Variants in CPNE8 observed in about 807,000 individuals in gnomAD.
CPNE8 encodes copine 8, also known as copine-8.
Under a neutral mutation model 81.5 loss-of-function variants are expected in CPNE8, and 45 were observed. That is an observed-to-expected ratio of 0.55 (90% CI 0.44 to 0.71). The LOEUF (loss-of-function observed/expected upper bound fraction) is 0.71, where lower values mean the gene tolerates loss of function less well. CPNE8 is among the 30% of genes least tolerant of loss of function. CPNE8 has a pLI of 0.00. For missense variants in CPNE8, 594 were observed against 672.1 expected, an observed-to-expected ratio of 0.88 and a Z score of 1.28; for synonymous variants, 252 against 226.3, an observed-to-expected ratio of 1.11 and a Z score of -1.02.
intron 19 of CPNE8, among the ~76,000 whole-genome samples, chr12:38,659,584 C>T (rs186649093): frequency 6.6e-6 from 1 of 152,302 alleles, no homozygotes; most frequent in Admixed American, 6.5e-5. Context: ...TCTAAATCAA[C>T]AGAATACACA....
upstream of CPNE8, chr12:38,905,623 G>A (rs1365256219): frequency 1.3e-6 from 2 of 1,518,870 alleles, no homozygotes; most frequent in Non-Finnish European, 1.8e-6. Context: ...GGGGATGGGG[G>A]TTGAGGGTGG....
intron 6 of CPNE8, among the ~76,000 whole-genome samples, chr12:38,822,732 A>G (rs1943126348): frequency 6.6e-6 from 1 of 152,110 alleles, no homozygotes; most frequent in Admixed American, 6.5e-5. Flanking sequence ...TTAGCTCTAC[A>G]GCAAATTCTT....
At chr12:38,782,981 A>C (rs1206873808) in intron 6 of CPNE8, among the ~76,000 whole-genome samples, 1 of 151,972 alleles carries the variant, frequency 6.6e-6, no homozygotes, top group Non-Finnish European at 1.5e-5. Flanking sequence ...CACCTTGACT[A>C]CTCTCGCAAC....
At chr12:38,711,127 T>C (rs1210071368) in intron 13 of CPNE8, among the ~76,000 whole-genome samples, 1 of 152,210 alleles carries the variant, frequency 6.6e-6, no homozygotes, top group Non-Finnish European at 1.5e-5. Context: ...TACTAGTACA[T>C]CATCAGGAGG....
intron 16 of CPNE8, among the ~76,000 whole-genome samples, chr12:38,682,345 G>A (rs1028231999): frequency 3.9e-4 from 60 of 152,238 alleles, no homozygotes; most frequent in African/African-American, 1.3e-3. Flanking sequence ...ATCGCCTGAG[G>A]TCAAGAGTTT....
chr12:38,852,507 C>T (rs2137064593), intron 3 of CPNE8, among the ~76,000 whole-genome samples: 1 of 151,352 alleles, frequency 6.6e-6, no homozygotes, highest in South Asian at 2.1e-4. Context: ...GAGGCTGAGG[C>T]AGGAGAATCA....
intron 8 of CPNE8, among the ~76,000 whole-genome samples, chr12:38,764,184 G>C (rs188778963): frequency 6.6e-6 from 1 of 152,062 alleles, no homozygotes; most frequent in African/African-American, 2.4e-5. Flanking sequence ...TAAGACAGAG[G>C]GGCAGACAGA....
intron 4 of CPNE8, among the ~76,000 whole-genome samples, chr12:38,847,108 T>C (rs963849432): frequency 1.3e-5 from 2 of 152,106 alleles, no homozygotes; most frequent in Non-Finnish European, 2.9e-5. Flanking sequence ...GGGGAGGCAA[T>C]GCTTTTTTGT....
At chr12:38,760,631 T>C (rs540843252) in intron 10 of CPNE8, among the ~76,000 whole-genome samples, 1 of 152,166 alleles carries the variant, frequency 6.6e-6, no homozygotes, top group African/African-American at 2.4e-5. Flanking sequence ...TGAAAATCTT[T>C]ACTAAGTTAC....
intron 1 of CPNE8, among the ~76,000 whole-genome samples, chr12:38,892,726 A>T (rs1358787146): frequency 2.6e-5 from 4 of 152,244 alleles, no homozygotes; most frequent in African/African-American, 4.8e-5. Flanking sequence ...GACTGAATCC[A>T]TCTGACAATT....
At chr12:38,688,233 C>G (rs1027331309) in intron 15 of CPNE8, among the ~76,000 whole-genome samples, 1 of 152,064 alleles carries the variant, frequency 6.6e-6, no homozygotes, top group Non-Finnish European at 1.5e-5. Context: ...TTTTTCTCTT[C>G]TTTGAGAATG....
chr12:38,729,133 T>A (rs556189970), intron 11 of CPNE8, among the ~76,000 whole-genome samples: 64 of 152,228 alleles, frequency 4.2e-4, no homozygotes, highest in Non-Finnish European at 8.5e-4. Flanking sequence ...CAGTAGATGA[T>A]GCCTAAGTAC....
chr12:38,905,117 C>T (rs1944549038), intron 1 of CPNE8, among the ~76,000 whole-genome samples: 1 of 152,174 alleles, frequency 6.6e-6, no homozygotes, highest in Non-Finnish European at 1.5e-5. Flanking sequence ...CCCAACCATC[C>T]AGCCCGGGTT....
rs559298215 is a variant in CPNE8, at chr12:38,697,865, C to G, written c.962-4027G>C. On this transcript the variant is annotated intron_variant, in intron 14 of 19. Transcript: ENST00000331366. ...TGCTGACTGCCCCTTTGCATTCCATCATGATTGAAAGCTTCCTGGGCCTCA... is the reference window on the plus strand; with the variant it reads ...TGCTGACTGCCCCTTTGCATTCCATGATGATTGAAAGCTTCCTGGGCCTCA... Among the ~76,000 whole-genome samples the G allele has an allele frequency of 2.6e-5, 4 of 152,284 alleles. No homozygotes were observed. The East Asian group carries it at 7.7e-4, about 29-fold the overall frequency.
chr12:38,732,112 C>A (rs1039362931), intron 10 of CPNE8, among the ~76,000 whole-genome samples: 25 of 151,800 alleles, frequency 1.6e-4, no homozygotes, highest in African/African-American at 4.1e-4. Context: ...AACATAGGGG[C>A]CTTAAAAATG....
Position 38,695,674 on chromosome 12 carries a change from C to T in CPNE8, c.962-1836G>A, listed in dbSNP as rs12304745. On this transcript the variant is annotated intron_variant, in intron 14 of 19. Transcript: ENST00000331366. ...CTAAATGGTTATTTAACACAACTCT[C>T]ATGCCTGAAATCCTAGCACTCTGGG... Among the ~76,000 whole-genome samples, 795 of 152,280 alleles carry T rather than the reference C, an allele frequency of 5.2e-3. 9 individuals carry two copies. Among genetic ancestry groups the T allele is most frequent in the African/African-American group, 0.018 (767 of 41,542 alleles).
intron 13 of CPNE8, among the ~76,000 whole-genome samples, chr12:38,719,808 T>A (rs1007702351): frequency 1.4e-4 from 21 of 152,166 alleles, no homozygotes; most frequent in African/African-American, 5.1e-4. Flanking sequence ...TAATATATTT[T>A]AAGGACATTA....
chr12:38,902,010 T>A (rs933893478), intron 1 of CPNE8, among the ~76,000 whole-genome samples: 1 of 152,076 alleles, frequency 6.6e-6, no homozygotes, highest in African/African-American at 2.4e-5. Context: ...AGACACTTGA[T>A]GAATAAACAG....
chr12:38,676,135 AAAG>A (rs1226198683), intron 17 of CPNE8: 2 of 473,418 alleles, frequency 4.2e-6, no homozygotes, highest in Admixed American at 1.3e-4. Context: ...AAAAATTAAA[AAAG>A]AAAAAATAAT....
Sources: gnomAD v4.1 joint callset for allele counts (sites outside exome capture counted in the v4.1 genomes callset) on GRCh38, gnomAD v4.1.1 for gene constraint, MANE v1.5 for transcripts, NCBI Gene and HGNC (gene_info 2026-07-23, HGNC 2026-07-21) for gene names.